The following SAMD4B variants were observed in gnomAD, a reference collection of about 807,000 sequenced individuals.
The protein encoded by SAMD4B is protein Smaug homolog 2.
Under a neutral mutation model 74.5 loss-of-function variants are expected in SAMD4B, and 5 were observed. That is an observed-to-expected ratio of 0.07 (90% confidence interval 0.04 to 0.14). The LOEUF is 0.14. Ranked by LOEUF, SAMD4B falls within the 10% of genes least tolerant of loss-of-function variation. SAMD4B has a pLI of 1.00. For synonymous variants in SAMD4B, 373 were observed against 374.9 expected, an observed-to-expected ratio of 1.00 and a Z score of 0.06; for missense variants, 608 against 921.8, an observed-to-expected ratio of 0.66 and a Z score of 4.41.
Position 39,370,114 on chromosome 19 carries a change from A to G in SAMD4B, c.656A>G (p.Asn219Ser), listed in dbSNP as rs139222739. 4.1e-4 allele frequency: 645 copies of G among 1,590,224 alleles called. 7 individuals carry two copies. In the East Asian group the frequency reaches 0.012, roughly 29 times the overall value. Reference sequence around the variant, plus strand: ...CCAGCCATCAACAGTATTGGGAGCAATGCAAACACAGGTAAGTGGCGGGGG... The same window carrying G: ...CCAGCCATCAACAGTATTGGGAGCAGTGCAAACACAGGTAAGTGGCGGGGG... ...VPPAINSIGS[N>S]ANTGLPCQIH... The change falls in exon 4 of 14, where the codon AAT (asparagine) becomes AGT (serine). Residue 219 changes from asparagine (N) to serine (S), a missense_variant. Asn to Ser is a conservative substitution (Grantham distance 46, BLOSUM62 1). Coordinates refer to ENST00000610417, the MANE Select transcript of SAMD4B (RefSeq NM_001384574.2).
chr19:39,381,192 C>T, intron 12 of SAMD4B, 79 bp downstream of exon 12: 16 of 1,488,052 alleles, frequency 1.1e-5, no homozygotes, highest in Non-Finnish European at 1.4e-5. Context: ...GTCTCATGTC[C>T]ACTGTTCTTC....
At chr19:39,385,936 A>G, downstream of SAMD4B, 1 of 1,601,600 alleles carries the variant, frequency 6.2e-7, no homozygotes, top group Non-Finnish European at 8.5e-7. Flanking sequence ...CCACTAGAAA[A>G]GTGCTTTGCT....
chr19:39,364,322 A>G (rs763844402), intron 3 of SAMD4B, among the ~76,000 whole-genome samples: 72 of 152,322 alleles, frequency 4.7e-4, no homozygotes, highest in Admixed American at 3.1e-3. Flanking sequence ...GCGATTGAGA[A>G]TGTCAGGGTA....
At chr19:39,372,992 C>G (rs561828949) in intron 4 of SAMD4B, among the ~76,000 whole-genome samples, 1 of 152,284 alleles carries the variant, frequency 6.6e-6, no homozygotes, top group East Asian at 1.9e-4. Context: ...CTGCCTTGCC[C>G]TGTCCCTTAG....
Position 39,379,957 on chromosome 19 carries a change from C to A in SAMD4B, c.1531-9C>A. The A allele has an allele frequency of 6.2e-7, 1 of 1,610,210 alleles. No homozygotes were observed. Among genetic ancestry groups the A allele is most frequent in the South Asian group, 1.1e-5 (1 of 90,840 alleles). On this transcript the variant is annotated splice_polypyrimidine_tract_variant and intron_variant, in intron 9 of 13. Transcript: ENST00000610417. ...CCTCTCTGCTTCACCGGTGTCCTGC[C>A]AATTCTAGGCTTTCACGGAGACGCA...
intron 7 of SAMD4B, 41 bp downstream of exon 7, chr19:39,376,832 C>G (rs776228450): frequency 6.4e-7 from 1 of 1,562,912 alleles, no homozygotes; most frequent in South Asian, 1.1e-5. Flanking sequence ...CAGCCAGCCA[C>G]TTGGTGGTAC....
intron 9 of SAMD4B, among the ~76,000 whole-genome samples, chr19:39,379,014 T>C (rs1357464435): frequency 6.6e-6 from 1 of 151,988 alleles, no homozygotes; most frequent in Non-Finnish European, 1.5e-5. Context: ...CTTTAGAGGC[T>C]TCTTCTCAGA....
At chr19:39,353,486 A>G (rs1206639003) in intron 1 of SAMD4B, among the ~76,000 whole-genome samples, 1 of 152,102 alleles carries the variant, frequency 6.6e-6, no homozygotes, top group African/African-American at 2.4e-5. Flanking sequence ...GGGGTTTTGT[A>G]TGTGGCTTTT....
At chr19:39,365,188 G>A (rs2076885468) in intron 3 of SAMD4B, among the ~76,000 whole-genome samples, 1 of 149,642 alleles carries the variant, frequency 6.7e-6, no homozygotes, top group African/African-American at 2.5e-5. Context: ...AGAGCTTGCA[G>A]TGAGCCGAGA....
intron 4 of SAMD4B, among the ~76,000 whole-genome samples, chr19:39,374,942 G>A (rs1013346556): frequency 1.3e-5 from 2 of 152,186 alleles, no homozygotes; most frequent in Admixed American, 6.5e-5. Context: ...ATAGAGTGAC[G>A]GATTGGGGCA....
At chr19:39,368,139 A>G (rs1049512191) in intron 3 of SAMD4B, among the ~76,000 whole-genome samples, 1 of 152,018 alleles carries the variant, frequency 6.6e-6, no homozygotes, top group Non-Finnish European at 1.5e-5. Context: ...GCATGAACTC[A>G]GAAGGTGGAG....
intron 4 of SAMD4B, among the ~76,000 whole-genome samples, chr19:39,370,873 A>G (rs565345103): frequency 2.0e-5 from 3 of 152,358 alleles, no homozygotes; most frequent in South Asian, 2.1e-4. Flanking sequence ...AGATGAGGAC[A>G]TCGGGACTCA....
Position 39,383,397 on chromosome 19 carries a change from C to T in SAMD4B, c.2057-102C>T. ...TGAGGGGTCCCCAGGGGAGGCCAGA[C>T]TCCAGGGAGGGCCTGACTGGGATGA... On this transcript the variant is annotated intron_variant, in intron 13 of 13. Coordinates refer to ENST00000610417, the MANE Select transcript of SAMD4B (RefSeq NM_001384574.2). The surrounding 1 kb of genome is among the most constrained non-coding windows in gnomAD (Gnocchi z 4.1). 6.4e-7 allele frequency: 1 copy of T among 1,568,672 alleles called. No individual in the cohort carries two copies. Among genetic ancestry groups the T allele is most frequent in the Non-Finnish European group, 8.8e-7 (1 of 1,138,540 alleles).
In SAMD4B at chr19:39,381,048, C is replaced by G. The variant is rs1366111074; in HGVS notation, c.1907C>G (p.Ser636Cys). 1 of 1,613,004 alleles carries G rather than the reference C, an allele frequency of 6.2e-7. No individual in the cohort carries two copies. Among genetic ancestry groups the G allele is most frequent in the East Asian group, 2.2e-5 (1 of 44,892 alleles). Residue 636 changes from serine (S) to cysteine (C), a missense_variant, in exon 12 of 14, where the codon TCT (serine) becomes TGT (cysteine). Coordinates refer to ENST00000610417, the MANE Select transcript of SAMD4B (RefSeq NM_001384574.2). ...SNSMPSQSRS[S>C]VQRTHSLPVH... The stretch of plus-strand genomic sequence containing the variant: ...AGCATGCCCAGTCAGAGCCGCAGCT[C>G]TGTGCAGCGCACCCACTCGCTCCCG...
chr19:39,374,227 C>G (rs1435749777), intron 4 of SAMD4B, among the ~76,000 whole-genome samples: 1 of 151,516 alleles, frequency 6.6e-6, no homozygotes. Context: ...GCCAAGATTG[C>G]ACCACCGCAC....
rs2076374844 is a variant in SAMD4B at position 39,357,067 on chromosome 19, G to A, written c.174G>A (p.Leu58=). 1.2e-6 allele frequency: 2 copies of A among 1,611,382 alleles called. No individual in the cohort carries two copies. The highest frequency in any genetic ancestry group is 1.7e-6 in the Non-Finnish European group (2 of 1,177,860). ...CGGACTGCAATGACATCCACCTGCT[G>A]GAGTCGGAGGCCAACAGTGCTGGTG... ...SLADCNDIHL[L]ESEANSAAIV... The change falls in exon 3 of 14, where the codon CTG becomes CTA. Residue 58 remains leucine (L), a synonymous_variant. Coordinates refer to ENST00000610417, the MANE Select transcript of SAMD4B (RefSeq NM_001384574.2).
At chr19:39,369,573 A>G (rs934073965) in intron 3 of SAMD4B, 82 bp from the exon 4 acceptor site, 1 of 1,058,784 alleles carries the variant, frequency 9.4e-7, no homozygotes, top group Middle Eastern at 2.1e-4. Context: ...GAGCTGAGGG[A>G]ATAGGCCATA....
chr19:39,380,709 T>G lies in SAMD4B; in HGVS notation c.1772T>G (p.Leu591Arg). The part of the protein sequence containing the change: ...RALPPGRMGL[L>R]SPSGIGGVSP... ...CTCCCACCCGGCCGGATGGGCCTCC[T>G]GAGCCCCTCGGGCATTGGGGGTGTC... The change falls in exon 11 of 14, where the codon CTG becomes CGG. Residue 591 changes from leucine (L) to arginine (R), a missense_variant. This residue lies in a region of SAMD4B where 167 missense variants were observed against 193.0 expected (regional missense o/e 0.87). Coordinates refer to ENST00000610417, the MANE Select transcript of SAMD4B (RefSeq NM_001384574.2). 3.7e-6 allele frequency: 6 copies of G among 1,611,686 alleles called. No homozygotes were observed. Among genetic ancestry groups the G allele is most frequent in the Non-Finnish European group, 5.1e-6 (6 of 1,179,042 alleles).
intron 3 of SAMD4B, chr19:39,359,773 A>C (rs955390199): frequency 6.6e-6 from 1 of 152,240 alleles, no homozygotes; most frequent in Admixed American, 6.5e-5. Flanking sequence ...ACTCTTCCAC[A>C]TGGTACATGT....
Sources: gnomAD v4.1 joint callset for allele counts (sites outside exome capture counted in the v4.1 genomes callset) on GRCh38, gnomAD v4.1.1 for gene constraint, gnomAD v4.1.1 regional missense constraint, Gnocchi (gnomAD v3.1) non-coding constraint, MANE v1.5 for transcripts, NCBI Gene and HGNC (gene_info 2026-07-23, HGNC 2026-07-21) for gene names.